The following PPP2CA variants were observed in gnomAD, a reference collection of about 807,000 sequenced individuals.
PPP2CA encodes the protein serine/threonine-protein phosphatase 2A catalytic subunit alpha isoform.
A neutral mutation model predicts 38.8 loss-of-function variants in PPP2CA; 5 were observed. The ratio of observed to expected loss-of-function variants is 0.13; its 90% confidence interval spans 0.07 to 0.27. The LOEUF (loss-of-function observed/expected upper bound fraction) is 0.27. PPP2CA is among the 10% of genes least tolerant of loss of function. The pLI, the probability that PPP2CA is intolerant of heterozygous loss-of-function variation, is 1.00. For missense variants in PPP2CA, 88 were observed against 389.7 expected (o/e 0.23, Z 6.52); for synonymous variants, 152 against 134.0 (o/e 1.13, Z -0.93).
chr5:134,226,036 T>C lies in PPP2CA; in HGVS notation c.-175A>G, dbSNP rs1005126716. On this transcript the variant is annotated 5_prime_UTR_variant, in exon 1 of 7. Coordinates refer to ENST00000481195, the MANE Select transcript of PPP2CA (RefSeq NM_002715.4). ...CTCGGCCGTCGGCCGCTGCGCCTCC[T>C]CCTCCGCTCGCTGAGGCTCCAGAGC... is the stretch of plus-strand genomic sequence containing the variant. The C allele has an allele frequency of 2.4e-5, 13 of 537,826 alleles. No homozygotes were observed. Among genetic ancestry groups the C allele is most frequent in the African/African-American group, 1.2e-4 (6 of 49,070 alleles). 33.3% of individuals were successfully genotyped at this position (537,826 alleles called of 1,614,324 possible).
chr5:134,217,521 AT>A (rs773010270), intron 1 of PPP2CA, among the ~76,000 whole-genome samples: 6 of 152,124 alleles, frequency 3.9e-5, no homozygotes, highest in Non-Finnish European at 8.8e-5. Flanking sequence ...GGCAAAAAAA[AT>A]TTTTTCAATA....
In PPP2CA at chr5:134,195,337, A is replaced by G. The variant is rs4615337; in HGVS notation, c.*2435T>C. 0.77 allele frequency: 117,638 copies of G among 152,102 alleles called. 45,948 individuals carry two copies. The highest frequency in any genetic ancestry group is 0.82 in the Non-Finnish European group (55,984 of 68,038). 9.4% of individuals were successfully genotyped at this position (152,102 alleles called of 1,614,324 possible). A position where few individuals can be genotyped will look rare whatever the true frequency, so the allele number is the denominator to read the frequency against. ...ACAATCTCAGCCCACTGCAACCTCCATCTCCTGGGCTCAGGCGATCCTCTC... is the reference window on the plus strand; with the variant it reads ...ACAATCTCAGCCCACTGCAACCTCCGTCTCCTGGGCTCAGGCGATCCTCTC... On this transcript the variant is annotated 3_prime_UTR_variant, in exon 7 of 7. Coordinates refer to ENST00000481195, the MANE Select transcript of PPP2CA (RefSeq NM_002715.4).
chr5:134,204,320 G>A (rs925946243), intron 2 of PPP2CA, among the ~76,000 whole-genome samples: 97 of 152,208 alleles, frequency 6.4e-4, no homozygotes, highest in Non-Finnish European at 1.0e-4. Flanking sequence ...AGGGAAAGGC[G>A]GAAGCCTGCC....
At chr5:134,224,934 T>C (rs1762532192) in intron 1 of PPP2CA, among the ~76,000 whole-genome samples, 1 of 152,230 alleles carries the variant, frequency 6.6e-6, no homozygotes, top group Admixed American at 6.5e-5. Context: ...ATACAAAATT[T>C]ACCGCTCTTC....
At chr5:134,221,768 G>A (rs901335561) in intron 1 of PPP2CA, among the ~76,000 whole-genome samples, 9 of 151,902 alleles carry the variant, frequency 5.9e-5, no homozygotes, top group African/African-American at 1.9e-4. Context: ...TCAGGAGTTC[G>A]AGACTAGCCT....
chr5:134,219,421 C>A (rs1434188712), intron 1 of PPP2CA, among the ~76,000 whole-genome samples: 1 of 152,234 alleles, frequency 6.6e-6, no homozygotes, highest in Non-Finnish European at 1.5e-5. Flanking sequence ...CAGGTAAACA[C>A]ATGCTACTGC....
chr5:134,224,987 AGT>A (rs1762534511), intron 1 of PPP2CA, among the ~76,000 whole-genome samples: 1 of 152,374 alleles, frequency 6.6e-6, no homozygotes, highest in East Asian at 1.9e-4. Flanking sequence ...CAAAATGCCA[AGT>A]GTGTTAAGCT....
In PPP2CA at chr5:134,197,506, G is replaced by A. The variant is rs991929279; in HGVS notation, c.*266C>T. ...CTGCAGTCTCTCAGAGAAAGCAAAA[G>A]TAACTACAAATAGCGCTATGCCAGA... On this transcript the variant is annotated 3_prime_UTR_variant, in exon 7 of 7. Coordinates refer to ENST00000481195, the MANE Select transcript of PPP2CA (RefSeq NM_002715.4). The A allele has an allele frequency of 4.5e-6, 2 of 447,332 alleles. No homozygotes were observed. Among genetic ancestry groups the A allele is most frequent in the Admixed American group, 3.5e-5 (1 of 28,786 alleles). The allele number at this position is 447,332 out of a possible 1,614,324, so 27.7% of individuals were successfully genotyped here.
At chr5:134,224,493 A>G (rs1762518352) in intron 1 of PPP2CA, 1 of 353,044 alleles carries the variant, frequency 2.8e-6, no homozygotes. Flanking sequence ...ACATCAAACC[A>G]GAAACAAATC....
At chr5:134,199,251 A>C in intron 5 of PPP2CA, 47 bp from the exon 6 acceptor site, 2 of 1,342,628 alleles carry the variant, frequency 1.5e-6, no homozygotes, top group Middle Eastern at 3.6e-4. Flanking sequence ...CCTCAATTCA[A>C]CTAAATGTTA....
In PPP2CA at chr5:134,209,894, T is replaced by C. The variant is rs149921430; in HGVS notation, c.103-3763A>G. The stretch of plus-strand genomic sequence containing the variant: ...AGAGACCAGCCTGGGCAACAACATA[T>C]TGAGACCCCTCTCTATAGAAAATAA... On this transcript the variant is annotated intron_variant, in intron 1 of 6. Coordinates refer to ENST00000481195, the MANE Select transcript of PPP2CA (RefSeq NM_002715.4). Among the ~76,000 whole-genome samples the C allele has an allele frequency of 2.8e-3, 431 of 152,194 alleles. 2 individuals carry two copies. The highest frequency in any genetic ancestry group is 4.8e-3 in the Non-Finnish European group (326 of 68,016).
At chr5:134,223,378 T>C (rs1015918195) in intron 1 of PPP2CA, among the ~76,000 whole-genome samples, 1 of 152,218 alleles carries the variant, frequency 6.6e-6, no homozygotes, top group South Asian at 2.1e-4. Context: ...GGATTCTACA[T>C]ACCCAAAAAA....
intron 1 of PPP2CA, among the ~76,000 whole-genome samples, chr5:134,214,809 G>A (rs1762282792): frequency 6.6e-6 from 1 of 151,784 alleles, no homozygotes; most frequent in East Asian, 1.9e-4. Context: ...AATTTTCTAT[G>A]CCCATTTTTG....
At chr5:134,200,196 A>C in intron 5 of PPP2CA, 139 bp downstream of exon 5, 1 of 870,076 alleles carries the variant, frequency 1.1e-6, no homozygotes, top group Non-Finnish European at 1.6e-6. Flanking sequence ...TCTACTGAAA[A>C]GGCTCAGGCT....
At chr5:134,225,245 A>G (rs1441063985) in intron 1 of PPP2CA, among the ~76,000 whole-genome samples, 2 of 152,232 alleles carry the variant, frequency 1.3e-5, no homozygotes, top group African/African-American at 2.4e-5. Flanking sequence ...TGAGTTTAAT[A>G]CAAACCACCA....
In PPP2CA at chr5:134,197,721, C is replaced by T. The variant is rs746249069; in HGVS notation, c.*51G>A. 3 of 1,430,310 alleles carry T rather than the reference C, an allele frequency of 2.1e-6. No individual in the cohort carries two copies. Among genetic ancestry groups the T allele is most frequent in the Non-Finnish European group, 3.0e-6 (3 of 1,015,994 alleles). 88.6% of individuals were successfully genotyped at this position (1,430,310 alleles called of 1,614,324 possible). A position where few individuals can be genotyped will look rare whatever the true frequency, so the allele number is the denominator to read the frequency against. On this transcript the variant is annotated 3_prime_UTR_variant, in exon 7 of 7. Coordinates refer to ENST00000481195, the MANE Select transcript of PPP2CA (RefSeq NM_002715.4). ...GAGTTACTGTTGCTCTTCCCATTTC[C>T]ATTAGGTCGATATATGGTTCATGGC...
chr5:134,204,040 C>T (rs149870681), intron 2 of PPP2CA, among the ~76,000 whole-genome samples: 67 of 152,318 alleles, frequency 4.4e-4, no homozygotes, highest in Middle Eastern at 3.4e-3. Context: ...AGAAACCTTC[C>T]ACCATCTAGT....
chr5:134,214,791 T>G (rs957008845), intron 1 of PPP2CA, among the ~76,000 whole-genome samples: 1 of 152,140 alleles, frequency 6.6e-6, no homozygotes, highest in Admixed American at 6.5e-5. Flanking sequence ...TTTAAATATA[T>G]AGCCAGAAAT....
intron 1 of PPP2CA, among the ~76,000 whole-genome samples, chr5:134,214,932 T>C (rs1762284705): frequency 6.6e-6 from 1 of 152,106 alleles, no homozygotes; most frequent in African/African-American, 2.4e-5. Flanking sequence ...CGACAACTAC[T>C]CAAGCTTCTT....
Sources: gnomAD v4.1 joint callset for allele counts (sites outside exome capture counted in the v4.1 genomes callset) on GRCh38, gnomAD v4.1.1 for gene constraint, MANE v1.5 for transcripts, NCBI Gene and HGNC (gene_info 2026-07-23, HGNC 2026-07-21) for gene names.